The following SPNS3 variants were observed in gnomAD, a reference collection of about 807,000 sequenced individuals.
SPNS3 encodes SPNS lysolipid transporter 3, sphingosine-1-phosphate (putative), also known as protein spinster homolog 3.
SPNS3 carries 51 observed loss-of-function variants against 54.4 expected under a neutral mutation model. The ratio of observed to expected loss-of-function variants is 0.94; its 90% CI spans 0.75 to 1.18. The LOEUF (loss-of-function observed/expected upper bound fraction) is 1.18, where lower values mean the gene tolerates loss of function less well. Ranked by LOEUF, SPNS3 falls within the 50% of genes most tolerant of loss-of-function variation. SPNS3 has a pLI of 0.00. For synonymous variants in SPNS3, 309 were observed against 294.7 expected (o/e 1.05, Z -0.50); for missense variants, 669 against 677.4 (o/e 0.99, Z 0.14).
At chr17:4,438,219 C>T (rs1226552114) in intron 1 of SPNS3, among the ~76,000 whole-genome samples, 3 of 152,168 alleles carry the variant, frequency 2.0e-5, no homozygotes, top group African/African-American at 7.2e-5. Flanking sequence ...GGCTTCTGCT[C>T]CCCTTCTGTG....
At chr17:4,438,939 C>T (rs1194302721) in intron 1 of SPNS3, among the ~76,000 whole-genome samples, 1 of 123,892 alleles carries the variant, frequency 8.1e-6, no homozygotes, top group Non-Finnish European at 1.9e-5. Flanking sequence ...AGAGTGAGTT[C>T]CTGTGTGTGT....
chr17:4,476,123 G>A (rs912703005), intron 8 of SPNS3, among the ~76,000 whole-genome samples: 38 of 152,232 alleles, frequency 2.5e-4, no homozygotes, highest in African/African-American at 8.9e-4. Flanking sequence ...TCCTGGAGCT[G>A]AGTCAGCCCT....
rs58694489 is a variant in SPNS3, at chr17:4,450,354, C to CCTCTCTCT, written c.923+975_923+982dup. ...CTCCCTCTCCCTCTCCCTCTCCCCT[C>CCTCTCTCT]CTCTCTCTCTCTCTCCCTACCCCTC... On this transcript the variant is annotated intron_variant, in intron 7 of 11. Coordinates refer to ENST00000355530, the MANE Select transcript of SPNS3 (RefSeq NM_182538.5). 1.6e-4 allele frequency among the ~76,000 whole-genome samples: 19 copies of CCTCTCTCT among 122,304 alleles called. No individual in the cohort carries two copies. The South Asian group carries it at 3.3e-3, about 21-fold the overall frequency. 80.2% of individuals were successfully genotyped at this position (122,304 alleles called of 152,430 possible).
At chr17:4,462,124 T>G (rs985389615) in intron 8 of SPNS3, among the ~76,000 whole-genome samples, 1 of 750 alleles carries the variant, frequency 1.3e-3, no homozygotes, top group Non-Finnish European at 2.9e-3. Context: ...CATCCATCCA[T>G]CCATCCATCC....
intron 2 of SPNS3, 151 bp from the exon 3 acceptor site, chr17:4,444,881 T>A (rs1970941164): frequency 1.1e-6 from 1 of 937,394 alleles, no homozygotes; most frequent in African/African-American, 1.7e-5. Flanking sequence ...CACTGTGAGG[T>A]TCACCTTATC....
In SPNS3 at chr17:4,453,553, G is replaced by C. The variant is rs149355363; in HGVS notation, c.1113+348G>C. 5.6e-3 allele frequency among the ~76,000 whole-genome samples: 856 copies of C among 152,230 alleles called. 9 individuals carry two copies. Among genetic ancestry groups the C allele is most frequent in the African/African-American group, 0.019 (793 of 41,538 alleles). On this transcript the variant is annotated intron_variant, in intron 8 of 11. Coordinates refer to ENST00000355530, the MANE Select transcript of SPNS3 (RefSeq NM_182538.5). ...GAATCGCTTGAACGCGGGAGGTGGA[G>C]GTTGCAGTGAGCTGAGATTGCGCCA...
Position 4,447,068 on chromosome 17 carries a change from G to C in SPNS3, c.621+106G>C, listed in dbSNP as rs1047694981. 2.3e-5 allele frequency: 25 copies of C among 1,085,378 alleles called. 1 individual carries two copies. The highest frequency in any genetic ancestry group is 4.0e-4 in the Middle Eastern group (2 of 5,040). 67.2% of individuals were successfully genotyped at this position (1,085,378 alleles called of 1,614,324 possible). On this transcript the variant is annotated intron_variant, in intron 5 of 11. Transcript: ENST00000355530. ...TTGGCGTAGCACCCGGCGCCATTAGGGGGACGGGGGGTGGTGGTCAGGCAT... is the reference window on the plus strand; with the variant it reads ...TTGGCGTAGCACCCGGCGCCATTAGCGGGACGGGGGGTGGTGGTCAGGCAT...
intron 8 of SPNS3, among the ~76,000 whole-genome samples, chr17:4,466,934 G>A (rs566276290): frequency 6.6e-6 from 1 of 152,218 alleles, no homozygotes; most frequent in Non-Finnish European, 1.5e-5. Context: ...GAGAGCGACA[G>A]GGGCAATGCA....
intron 9 of SPNS3, among the ~76,000 whole-genome samples, chr17:4,480,277 T>C (rs1972116842): frequency 6.6e-6 from 1 of 152,176 alleles, no homozygotes; most frequent in African/African-American, 2.4e-5. Flanking sequence ...GCAGACCTGC[T>C]ACATGGCCCT....
Position 4,449,330 on chromosome 17 carries a change from G to T in SPNS3, c.866G>T (p.Arg289Leu). The T allele has an allele frequency of 6.2e-7, 1 of 1,611,470 alleles. No homozygotes were observed. The highest frequency in any genetic ancestry group is 1.7e-5 in the Admixed American group (1 of 59,892). Residue 289 changes from arginine to leucine, a missense_variant, in exon 7 of 12, where the codon CGC (arginine) becomes CTC (leucine). By Grantham distance (102) the Arg-to-Leu change is moderately radical (BLOSUM62 -2). Transcript: ENST00000355530. ...FWAPKFLLEA[R>L]VVHGLQPPCF... ...GCCCCCAAGTTTCTGCTCGAGGCAC[G>T]CGTGGTTCACGGGCTGCAGCCTCCC...
At chr17:4,439,913 G>GTT (rs1225406617) in intron 2 of SPNS3, among the ~76,000 whole-genome samples, 190 bp downstream of exon 2, 1 of 152,306 alleles carries the variant, frequency 6.6e-6, no homozygotes, top group African/African-American at 2.4e-5. Context: ...AGCCATGGTA[G>GTT]TTTGAGTGTA....
rs1464064891 is a variant in SPNS3, at chr17:4,449,404, G to T, written c.923+17G>T. The T allele has an allele frequency of 6.4e-6, 10 of 1,563,084 alleles. No homozygotes were observed. The East Asian group carries it at 1.1e-4, about 18-fold the overall frequency. On this transcript the variant is annotated intron_variant, in intron 7 of 11. Coordinates refer to ENST00000355530, the MANE Select transcript of SPNS3 (RefSeq NM_182538.5). The stretch of plus-strand genomic sequence containing the variant: ...CCCCGACAGGTGAGGGCATCCGGGG[G>T]CCCTGGGCACCTGGCCCGGCTCGGG...
At chr17:4,437,759 G>T (rs1211462504) in intron 1 of SPNS3, among the ~76,000 whole-genome samples, 1 of 151,804 alleles carries the variant, frequency 6.6e-6, no homozygotes, top group African/African-American at 2.4e-5. Context: ...TGGCAATTGG[G>T]GACAAATTAA....
chr17:4,481,157 G>A (rs1278839719), intron 9 of SPNS3, among the ~76,000 whole-genome samples: 1 of 152,042 alleles, frequency 6.6e-6, no homozygotes, highest in Non-Finnish European at 1.5e-5. Flanking sequence ...ATCCCAGGAA[G>A]CTGGCATTGC....
chr17:4,448,546 C>A (rs773995310), intron 6 of SPNS3, among the ~76,000 whole-genome samples: 3 of 152,228 alleles, frequency 2.0e-5, no homozygotes, highest in Non-Finnish European at 4.4e-5. Context: ...GCGTGAGCCC[C>A]AGCCTTCCCT....
chr17:4,474,320 C>A (rs1170463052), intron 8 of SPNS3, among the ~76,000 whole-genome samples: 1 of 152,232 alleles, frequency 6.6e-6, no homozygotes, highest in Non-Finnish European at 1.5e-5. Context: ...GCGTGCCAGA[C>A]GGTGCAGCAG....
At chr17:4,482,321 G>A (rs333126) in intron 9 of SPNS3, 57,585 of 151,974 alleles carry the variant, frequency 0.38, 11,124 homozygotes, top group African/African-American at 0.44. Flanking sequence ...GAGGGAGCTT[G>A]TGACAAACCC....
At chr17:4,459,094 C>A (rs1447977245) in intron 8 of SPNS3, among the ~76,000 whole-genome samples, 1 of 152,122 alleles carries the variant, frequency 6.6e-6, no homozygotes, top group Non-Finnish European at 1.5e-5. Flanking sequence ...GGCCAGCTTA[C>A]CACCGTCTCT....
At position 4,477,447 on chromosome 17, in the gene SPNS3, A is replaced by G. The variant is rs559173646; in HGVS notation, c.1114-1125A>G. Among the ~76,000 whole-genome samples, 26 of 152,246 alleles carry G rather than the reference A, an allele frequency of 1.7e-4. 1 individual carries two copies. In the South Asian group the frequency reaches 5.0e-3, roughly 29 times the overall value. The stretch of plus-strand genomic sequence containing the variant: ...CCGTGATCCAGGAATGACTAATTCC[A>G]CCCCTGCAATAAGCTCTTGGAAGCT... On this transcript the variant is annotated intron_variant, in intron 8 of 11. Transcript: ENST00000355530.
Sources: gnomAD v4.1 joint callset for allele counts (sites outside exome capture counted in the v4.1 genomes callset) on GRCh38, gnomAD v4.1.1 for gene constraint, MANE v1.5 for transcripts, NCBI Gene and HGNC (gene_info 2026-07-23, HGNC 2026-07-21) for gene names.